The following LARGE1 variants were observed in gnomAD, a reference collection of about 807,000 sequenced individuals.
The protein encoded by LARGE1 is LARGE xylosyl- and glucuronyltransferase 1, also known as xylosyl- and glucuronyltransferase LARGE1.
LARGE1 carries 43 observed loss-of-function variants against 87.6 expected under a neutral mutation model. That is an observed-to-expected ratio of 0.49 (90% CI 0.38 to 0.63). The LOEUF is 0.63. LARGE1 is among the 30% of genes least tolerant of loss of function. The pLI, the probability that LARGE1 is intolerant of heterozygous loss-of-function variation, is 0.00. For synonymous variants in LARGE1, 434 were observed against 394.6 expected (o/e 1.10, Z -1.18); for missense variants, 802 against 1,000.2 (o/e 0.80, Z 2.67).
chr22:33,792,579 A>C (rs2085857879), intron 1 of LARGE1, among the ~76,000 whole-genome samples: 1 of 152,188 alleles, frequency 6.6e-6, no homozygotes, highest in Non-Finnish European at 1.5e-5. Context: ...GAAACCCCTA[A>C]GAGGGCAGGA....
At chr22:33,104,845 T>C in the LARGE1 span, among the ~76,000 whole-genome samples, 13 of 152,366 alleles carry the variant, frequency 8.5e-5, no homozygotes, top group Middle Eastern at 3.4e-3. Context: ...GAGCCCGTTT[T>C]CATGGCTCAT....
At chr22:33,574,985 G>C (rs1476439515) in intron 5 of LARGE1, among the ~76,000 whole-genome samples, 1 of 152,112 alleles carries the variant, frequency 6.6e-6, no homozygotes, top group East Asian at 1.9e-4. Flanking sequence ...TTAACAGAAG[G>C]CAGCTGAGAG....
chr22:33,387,313 G>C (rs2065359890), intron 7 of LARGE1, among the ~76,000 whole-genome samples: 2 of 123,994 alleles, frequency 1.6e-5, no homozygotes, highest in Non-Finnish European at 3.8e-5. Context: ...TGTAGTCCCA[G>C]CTACTCCTGA....
intron 6 of LARGE1, among the ~76,000 whole-genome samples, chr22:33,501,781 G>A (rs143505366): frequency 1.3e-5 from 2 of 152,258 alleles, no homozygotes; most frequent in Non-Finnish European, 2.9e-5. Flanking sequence ...GATTTTCAAC[G>A]GCTTATAGTC....
At chr22:33,473,319 C>T (rs529494607) in intron 6 of LARGE1, among the ~76,000 whole-genome samples, 41 of 152,244 alleles carry the variant, frequency 2.7e-4, no homozygotes, top group African/African-American at 9.9e-4. Flanking sequence ...AAGGCACCCA[C>T]CACCATGCCC....
chr22:33,197,041 G>A (rs1005899680), intron 11 of LARGE1, among the ~76,000 whole-genome samples: 1 of 151,898 alleles, frequency 6.6e-6, no homozygotes, highest in Admixed American at 6.6e-5. Flanking sequence ...TATATTAACA[G>A]AAAAAAAGCA....
intron 7 of LARGE1, among the ~76,000 whole-genome samples, chr22:33,391,764 CCTTTT>C (rs545739543): frequency 0.29 from 40,581 of 141,054 alleles, 6,003 homozygotes; most frequent in African/African-American, 0.42. Flanking sequence ...TTTCCTTTTT[CCTTTT>C]TTTTTTTTTT....
chr22:33,339,040 C>T (rs1938826838), intron 9 of LARGE1, among the ~76,000 whole-genome samples: 2 of 151,516 alleles, frequency 1.3e-5, no homozygotes, highest in South Asian at 2.1e-4. Context: ...CCCAGCTACT[C>T]AGGAGGCTGA....
intron 5 of LARGE1, among the ~76,000 whole-genome samples, chr22:33,582,084 G>C (rs766398053): frequency 1.3e-5 from 2 of 152,146 alleles, no homozygotes; most frequent in Non-Finnish European, 2.9e-5. Context: ...TGCCCCCAAA[G>C]GACCCCTGGC....
At chr22:33,208,609 CATGTGCAGA>C (rs1416345355) in intron 11 of LARGE1, among the ~76,000 whole-genome samples, 2 of 151,636 alleles carry the variant, frequency 1.3e-5, no homozygotes, top group African/African-American at 4.9e-5. Flanking sequence ...TTCTGGGGTA[CATGTGCAGA>C]ATGTGCAGGT....
Position 33,354,490 on chromosome 22 carries a change from T to C in LARGE1, c.1132-16689A>G, listed in dbSNP as rs149502760. ...ACAAGAATTAAGTTTCTATGGCACATAGTGTGTTGTTTCACTGAAAAGTCA... is the reference window on the plus strand; with the variant it reads ...ACAAGAATTAAGTTTCTATGGCACACAGTGTGTTGTTTCACTGAAAAGTCA... On this transcript the variant is annotated intron_variant, in intron 9 of 14. Transcript: ENST00000397394. Among the ~76,000 whole-genome samples, 63 of 152,340 alleles carry C rather than the reference T, an allele frequency of 4.1e-4. No homozygotes were observed. In the East Asian group the frequency reaches 0.011, roughly 26 times the overall value.
At chr22:33,408,565 C>G (rs566763010) in intron 7 of LARGE1, among the ~76,000 whole-genome samples, 1 of 152,266 alleles carries the variant, frequency 6.6e-6, no homozygotes, top group South Asian at 2.1e-4. Flanking sequence ...CCATCTTGAT[C>G]CTGACAACTT....
chr22:33,516,485 T>C (rs2071308772), intron 6 of LARGE1, among the ~76,000 whole-genome samples: 1 of 152,082 alleles, frequency 6.6e-6, no homozygotes, highest in Admixed American at 6.6e-5. Context: ...CACCTTTCAT[T>C]TTGCACCAGG....
chr22:33,405,086 T>A (rs1360201036), intron 7 of LARGE1, among the ~76,000 whole-genome samples: 1 of 152,188 alleles, frequency 6.6e-6, no homozygotes, highest in Non-Finnish European at 1.5e-5. Flanking sequence ...GTCCTTTATT[T>A]TTGTCTTTGT....
chr22:33,419,626 G>C (rs1037000015), intron 7 of LARGE1, among the ~76,000 whole-genome samples: 1 of 152,034 alleles, frequency 6.6e-6, no homozygotes. Flanking sequence ...TTGCTTTTCT[G>C]TTAGGGTTCC....
At chr22:33,271,807 T>G (rs16992028), downstream of LARGE1, among the ~76,000 whole-genome samples, 1 of 152,144 alleles carries the variant, frequency 6.6e-6, no homozygotes, top group African/African-American at 2.4e-5. Context: ...TCTGTTGAAG[T>G]TGGGCATCCG....
At chr22:33,791,607 C>T (rs902449591) in intron 1 of LARGE1, among the ~76,000 whole-genome samples, 1 of 152,160 alleles carries the variant, frequency 6.6e-6, no homozygotes, top group Non-Finnish European at 1.5e-5. Context: ...TATCTCACTG[C>T]TAACAATGCC....
At chr22:33,213,457 T>C (rs1202437912) in intron 11 of LARGE1, among the ~76,000 whole-genome samples, 1 of 152,230 alleles carries the variant, frequency 6.6e-6, no homozygotes, top group Non-Finnish European at 1.5e-5. Context: ...CAGCATCTCA[T>C]GCTGCAGAAA....
chr22:33,429,374 T>C (rs1377455274), intron 7 of LARGE1, among the ~76,000 whole-genome samples: 3 of 152,196 alleles, frequency 2.0e-5, no homozygotes, highest in Admixed American at 1.3e-4. Context: ...TGCTCTGCCC[T>C]TTCAGTACCA....
Sources: allele counts gnomAD v4.1 joint callset (sites outside exome capture counted in the v4.1 genomes callset), GRCh38; gene constraint gnomAD v4.1.1; transcripts MANE v1.5; gene names NCBI Gene and HGNC (gene_info 2026-07-23, HGNC 2026-07-21).